The following NCAM2 variants were observed in gnomAD, a reference collection of about 807,000 sequenced individuals.
NCAM2 encodes N-CAM-2.
NCAM2 carries 30 observed loss-of-function variants against 98.1 expected under a neutral mutation model. The observed-to-expected ratio is 0.31, with a 90% CI of 0.23 to 0.41. The LOEUF (loss-of-function observed/expected upper bound fraction) is 0.41, where lower values mean the gene tolerates loss of function less well. Ranked by LOEUF, NCAM2 falls within the 10% of genes least tolerant of loss-of-function variation. NCAM2 has a pLI of 1.00. For synonymous variants in NCAM2, 368 were observed against 342.4 expected, an observed-to-expected ratio of 1.07 and a Z score of -0.83; for missense variants, 867 against 1,005.8, an observed-to-expected ratio of 0.86 and a Z score of 1.87.
intron 8 of NCAM2, among the ~76,000 whole-genome samples, chr21:21,363,389 A>T (rs1221507100): frequency 6.6e-6 from 1 of 152,026 alleles, no homozygotes; most frequent in Non-Finnish European, 1.5e-5. Context: ...TTAAATACCC[A>T]CTCATACAAT....
intron 1 of NCAM2, among the ~76,000 whole-genome samples, chr21:21,160,502 A>G (rs114579155): frequency 0.029 from 4,446 of 152,114 alleles, 209 homozygotes; most frequent in African/African-American, 0.1. Context: ...AAGTCTTACA[A>G]TATTTTCTAA....
chr21:21,406,283 T>C (rs2076737356), intron 9 of NCAM2, among the ~76,000 whole-genome samples: 1 of 152,206 alleles, frequency 6.6e-6, no homozygotes, highest in Non-Finnish European at 1.5e-5. Flanking sequence ...AAGAGGGACC[T>C]GGTAAACTTC....
chr21:21,044,784 A>G (rs2064975681), intron 1 of NCAM2, among the ~76,000 whole-genome samples: 1 of 140,742 alleles, frequency 7.1e-6, no homozygotes. Flanking sequence ...TGGGCAACAC[A>G]GGGAGATGCT....
At chr21:21,416,828 C>T (rs1555891182) in intron 10 of NCAM2, among the ~76,000 whole-genome samples, 1 of 151,962 alleles carries the variant, frequency 6.6e-6, no homozygotes, top group Non-Finnish European at 1.5e-5. Flanking sequence ...TGTTGCTTTC[C>T]TAGAATACAT....
chr21:21,149,590 C>T lies in NCAM2; in HGVS notation c.56-130988C>T, dbSNP rs556710471. Among the ~76,000 whole-genome samples the T allele has an allele frequency of 3.9e-5, 6 of 151,928 alleles. No homozygotes were observed. In the South Asian group the frequency reaches 1.0e-3, roughly 26 times the overall value. ...TTGCCCCCCACCCCCCGACAGGGCC[C>T]GGTGTGTGCTGTTTCCCTCCCTGTG... On this transcript the variant is annotated intron_variant, in intron 1 of 17. Transcript: ENST00000400546.
intron 5 of NCAM2, among the ~76,000 whole-genome samples, chr21:21,297,877 G>A (rs1399647882): frequency 6.6e-6 from 1 of 151,810 alleles, no homozygotes. Flanking sequence ...TTTGTAAAGA[G>A]TGATTCACTA....
At chr21:21,113,035 T>C (rs1308433940) in intron 1 of NCAM2, among the ~76,000 whole-genome samples, 6 of 152,220 alleles carry the variant, frequency 3.9e-5, no homozygotes, top group South Asian at 2.1e-4. Context: ...AAGTTCTCTT[T>C]ATATTAGGGG....
At chr21:21,489,561 C>A (rs1170958180) in intron 15 of NCAM2, among the ~76,000 whole-genome samples, 1 of 151,886 alleles carries the variant, frequency 6.6e-6, no homozygotes, top group African/African-American at 2.4e-5. Flanking sequence ...AAATACTAAC[C>A]TTTGTGGTAT....
At chr21:21,490,586 T>C (rs1198320215) in intron 15 of NCAM2, among the ~76,000 whole-genome samples, 1 of 151,908 alleles carries the variant, frequency 6.6e-6, no homozygotes, top group Non-Finnish European at 1.5e-5. Context: ...TCTATGTATG[T>C]ACTGAATAGG....
At chr21:21,239,274 A>AGC (rs1426997409) in intron 1 of NCAM2, 3 of 152,192 alleles carry the variant, frequency 2.0e-5, no homozygotes, top group Admixed American at 6.5e-5. Flanking sequence ...AAAGGCAGAG[A>AGC]GCGCCTCCCA....
In NCAM2 at chr21:21,087,250, G is replaced by A. The variant is rs553361643; in HGVS notation, c.55+88632G>A. 4.6e-5 allele frequency among the ~76,000 whole-genome samples: 7 copies of A among 152,140 alleles called. No individual in the cohort carries two copies. In the East Asian group the frequency reaches 1.2e-3, roughly 25 times the overall value. On this transcript the variant is annotated intron_variant, in intron 1 of 17. Transcript: ENST00000400546. ...TTTTCTGTTTGCCCCTTTGGATTTCGTCTGTTGTCTTCTGTACTATGCACT... is the reference window on the plus strand; with the variant it reads ...TTTTCTGTTTGCCCCTTTGGATTTCATCTGTTGTCTTCTGTACTATGCACT...
chr21:21,259,603 C>G (rs1349519955), intron 1 of NCAM2, among the ~76,000 whole-genome samples: 3 of 152,100 alleles, frequency 2.0e-5, no homozygotes, highest in Non-Finnish European at 4.4e-5. Flanking sequence ...GCCCAAAATT[C>G]ACCACCAAAT....
intron 1 of NCAM2, among the ~76,000 whole-genome samples, chr21:21,028,228 T>C (rs1555872798): frequency 6.6e-6 from 1 of 152,226 alleles, no homozygotes; most frequent in Non-Finnish European, 1.5e-5. Flanking sequence ...CATTGGATTG[T>C]TGTTTTTACA....
chr21:21,170,581 A>AG (rs749094951), intron 1 of NCAM2, among the ~76,000 whole-genome samples: 63 of 152,186 alleles, frequency 4.1e-4, no homozygotes, highest in Non-Finnish European at 7.1e-4. Context: ...AGGATGAACA[A>AG]GGGGAACACA....
intron 5 of NCAM2, among the ~76,000 whole-genome samples, chr21:21,304,928 TAAAG>T (rs1324382612): frequency 1.3e-5 from 2 of 152,204 alleles, no homozygotes; most frequent in African/African-American, 4.8e-5. Context: ...GCATCATATA[TAAAG>T]ATAGATAATA....
chr21:21,438,522 G>C (rs1978731726), intron 12 of NCAM2, among the ~76,000 whole-genome samples: 1 of 152,136 alleles, frequency 6.6e-6, no homozygotes, highest in Admixed American at 6.6e-5. Context: ...GTAAGGAATT[G>C]TGAACCAGTC....
intron 8 of NCAM2, among the ~76,000 whole-genome samples, chr21:21,344,919 C>A (rs115652573): frequency 3.3e-5 from 5 of 152,066 alleles, no homozygotes; most frequent in African/African-American, 1.2e-4. Context: ...CAGCTTTATG[C>A]GGTCAGAAAA....
chr21:21,269,450 G>A (rs1055873511), intron 1 of NCAM2, among the ~76,000 whole-genome samples: 1 of 152,110 alleles, frequency 6.6e-6, no homozygotes, highest in Non-Finnish European at 1.5e-5. Flanking sequence ...TAAGTAATGA[G>A]TAAATTGTTA....
At position 20,998,457 on chromosome 21, in the gene NCAM2, G is replaced by A; in HGVS notation, c.-107G>A. 2.7e-6 allele frequency: 3 copies of A among 1,108,032 alleles called. No homozygotes were observed. Among genetic ancestry groups the A allele is most frequent in the South Asian group, 1.6e-5 (1 of 63,850 alleles). 68.6% of individuals were successfully genotyped at this position (1,108,032 alleles called of 1,614,324 possible). On this transcript the variant is annotated 5_prime_UTR_variant, in exon 1 of 18. Transcript: ENST00000400546. Reference sequence around the variant, plus strand: ...GCTGCGGGCGGCTGGGGCACCGCGGGAGCGGCGGCGGCGGCTCTAGCAGAG... The same window carrying A: ...GCTGCGGGCGGCTGGGGCACCGCGGAAGCGGCGGCGGCGGCTCTAGCAGAG...
Sources: allele counts gnomAD v4.1 joint callset (sites outside exome capture counted in the v4.1 genomes callset), GRCh38; gene constraint gnomAD v4.1.1; transcripts MANE v1.5; gene names NCBI Gene and HGNC (gene_info 2026-07-23, HGNC 2026-07-21).